EDA: variants seen among roughly 807,000 people sequenced by gnomAD.
The protein encoded by EDA is ectodysplasin A, also known as ectodysplasin-A.
A neutral mutation model predicts 23.6 loss-of-function variants in EDA; 2 were observed. That is an observed-to-expected ratio of 0.08 (90% CI 0.03 to 0.27). The LOEUF (loss-of-function observed/expected upper bound fraction) is 0.27. Ranked by LOEUF, EDA falls within the 10% of genes least tolerant of loss-of-function variation. The pLI is 1.00. For missense variants in EDA, 229 were observed against 324.2 expected, an observed-to-expected ratio of 0.71 and a Z score of 2.26; for synonymous variants, 131 against 132.0, an observed-to-expected ratio of 0.99 and a Z score of 0.05.
intron 1 of EDA, among the ~76,000 whole-genome samples, chrX:69,763,772 G>C (rs1406822345): frequency 4.5e-5 from 5 of 111,646 alleles, no homozygotes; most frequent in Admixed American, 2.9e-4. Flanking sequence ...GGAGTTCTCT[G>C]TCTGATACAT....
intron 1 of EDA, among the ~76,000 whole-genome samples, chrX:69,679,805 T>C (rs1374861592): frequency 1.8e-5 from 2 of 110,727 alleles, no homozygotes; most frequent in African/African-American, 6.6e-5. Flanking sequence ...AAGGGTTTTT[T>C]GTGTCTCTAT....
At chrX:69,798,519 G>A (rs62604203) in intron 1 of EDA, among the ~76,000 whole-genome samples, 25,588 of 110,396 alleles carry the variant, frequency 0.23, 2,305 homozygotes, top group African/African-American at 0.31. Flanking sequence ...AGGAACTTTG[G>A]AAACTCTACA....
chrX:69,702,932 T>C (rs2011576495), intron 1 of EDA, among the ~76,000 whole-genome samples: 1 of 110,358 alleles, frequency 9.1e-6, no homozygotes, highest in Non-Finnish European at 1.9e-5. Flanking sequence ...GGATATTTTG[T>C]CTGAGGCCTA....
intron 1 of EDA, among the ~76,000 whole-genome samples, chrX:69,743,291 G>A (rs768101646): frequency 8.1e-5 from 9 of 111,769 alleles, no homozygotes; most frequent in Non-Finnish European, 1.7e-4. Context: ...ATGTATCACT[G>A]GAGAAATTGT....
intron 1 of EDA, among the ~76,000 whole-genome samples, chrX:69,762,189 T>C (rs978648716): frequency 9.0e-6 from 1 of 111,613 alleles, no homozygotes; most frequent in Middle Eastern, 4.2e-3. Context: ...AAAGGGAAGG[T>C]TGTGAATTTT....
intron 1 of EDA, among the ~76,000 whole-genome samples, chrX:69,871,930 C>T (rs1014266079): frequency 9.8e-5 from 11 of 111,866 alleles, no homozygotes; most frequent in African/African-American, 3.6e-4. Context: ...AAGATCATCA[C>T]CTAGGTACAT....
intron 1 of EDA, among the ~76,000 whole-genome samples, chrX:69,777,448 TACC>T (rs1341850728): frequency 9.0e-6 from 1 of 111,269 alleles, no homozygotes; most frequent in East Asian, 2.8e-4. Flanking sequence ...GGTTAGAAGT[TACC>T]ACCGTGGATT....
chrX:69,748,074 A>G (rs1021319162), intron 1 of EDA, among the ~76,000 whole-genome samples: 8 of 111,769 alleles, frequency 7.2e-5, no homozygotes, highest in African/African-American at 2.6e-4. Context: ...GAGGAGACTG[A>G]AGGTGAGAAG....
intron 1 of EDA, among the ~76,000 whole-genome samples, chrX:69,781,523 A>T (rs1010557123): frequency 7.2e-5 from 8 of 111,849 alleles, no homozygotes; most frequent in African/African-American, 9.7e-5. Flanking sequence ...AGACTGTATG[A>T]CTCAAAAGGC....
At chrX:69,905,312 T>C (rs1041535371) in intron 1 of EDA, among the ~76,000 whole-genome samples, 21 of 112,148 alleles carry the variant, frequency 1.9e-4, no homozygotes, top group Non-Finnish European at 1.9e-5. Flanking sequence ...TTTTCCTTCC[T>C]TTACTCTATC....
intron 1 of EDA, among the ~76,000 whole-genome samples, chrX:69,759,243 G>A (rs140424144): frequency 1.8e-5 from 2 of 112,121 alleles, no homozygotes; most frequent in African/African-American, 6.5e-5. Flanking sequence ...TATAGTAGGA[G>A]TGAATAAGAT....
At chrX:69,616,928 C>T (rs372650258) in intron 1 of EDA, 5 of 452,359 alleles carry the variant, frequency 1.1e-5, no homozygotes, top group Non-Finnish European at 1.9e-5. Flanking sequence ...TGGAAAGTCT[C>T]GCGCGCGCCC....
At chrX:69,620,858 T>C (rs1440797163) in intron 1 of EDA, 1 of 377,068 alleles carries the variant, frequency 2.7e-6, no homozygotes, top group African/African-American at 2.6e-5. Context: ...TTTGGAGGTG[T>C]TTATGTGAAA....
intron 1 of EDA, among the ~76,000 whole-genome samples, chrX:69,794,518 C>T (rs2015495675): frequency 8.9e-6 from 1 of 112,256 alleles, no homozygotes. Context: ...GACACTGATA[C>T]AACACTATTA....
At chrX:69,931,049 A>C (rs1359693169) in intron 1 of EDA, among the ~76,000 whole-genome samples, 4 of 111,479 alleles carry the variant, frequency 3.6e-5, no homozygotes, top group Non-Finnish European at 7.5e-5. Context: ...CTGAGTACCT[A>C]GAATATCCTA....
intron 1 of EDA, among the ~76,000 whole-genome samples, chrX:69,782,113 A>C (rs1310007355): frequency 2.7e-5 from 3 of 109,256 alleles, no homozygotes; most frequent in Non-Finnish European, 5.7e-5. Flanking sequence ...ACCCAAGTCA[A>C]CCCCTGGCTT....
intron 1 of EDA, among the ~76,000 whole-genome samples, chrX:69,746,022 C>T (rs2013608358): frequency 9.0e-6 from 1 of 111,087 alleles, no homozygotes; most frequent in South Asian, 3.9e-4. Context: ...AGATCTTCCA[C>T]TCCTTCCCTC....
intron 1 of EDA, among the ~76,000 whole-genome samples, chrX:69,649,335 T>G (rs1412695656): frequency 1.8e-5 from 2 of 112,158 alleles, no homozygotes; most frequent in African/African-American, 6.5e-5. Context: ...TTGGTCTATT[T>G]AGTCCAGTTG....
intron 1 of EDA, among the ~76,000 whole-genome samples, chrX:69,675,130 A>G (rs1401895428): frequency 1.1e-5 from 1 of 92,503 alleles, no homozygotes; most frequent in Non-Finnish European, 2.1e-5. Context: ...CCAAAAGCAC[A>G]TGCCACCATG....
Sources: gnomAD v4.1 joint callset for allele counts (sites outside exome capture counted in the v4.1 genomes callset) on GRCh38, gnomAD v4.1.1 for gene constraint, MANE v1.5 for transcripts, NCBI Gene and HGNC (gene_info 2026-07-23, HGNC 2026-07-21) for gene names.